STS: variants seen among roughly 807,000 people sequenced by gnomAD.
STS encodes steryl-sulfatase.
A neutral mutation model predicts 26.8 loss-of-function variants in STS; 7 were observed. The ratio of observed to expected loss-of-function variants is 0.26; its 90% CI spans 0.15 to 0.49. STS has a LOEUF of 0.49. Among genes scored for constraint, STS ranks in the 20% least tolerant of loss-of-function variants. The pLI, the probability that STS is intolerant of heterozygous loss-of-function variation, is 0.98. For missense variants in STS, 434 were observed against 465.6 expected (o/e 0.93, Z 0.63); for synonymous variants, 199 against 189.4 (o/e 1.05, Z -0.42).
chrX:7,316,149 A>AT (rs1454249866), intron 8 of STS, among the ~76,000 whole-genome samples: 2 of 111,670 alleles, frequency 1.8e-5, no homozygotes, highest in African/African-American at 3.3e-5. Context: ...AGTAAGATGT[A>AT]TTTTTTAGTT....
At chrX:7,296,772 G>T (rs1471427385) in intron 7 of STS, among the ~76,000 whole-genome samples, 2 of 112,318 alleles carry the variant, frequency 1.8e-5, no homozygotes, top group African/African-American at 6.5e-5. Context: ...GATCCGTGAA[G>T]GCATCCCAGA....
rs371840395 is a variant in STS at position 7,171,895 on chromosome X, T to G, written c.-133-18985T>G. On this transcript the variant is annotated intron_variant, in intron 1 of 10. Coordinates refer to ENST00000674429, the MANE Select transcript of STS (RefSeq NM_001320752.2). Reference sequence around the variant, plus strand: ...ACCATTTCTTTTCTTTAAATAATATTGATGAAAATCATGTTTACAAGTTTT... The same window carrying G: ...ACCATTTCTTTTCTTTAAATAATATGGATGAAAATCATGTTTACAAGTTTT... Among the ~76,000 whole-genome samples, 8 of 112,239 alleles carry G rather than the reference T, an allele frequency of 7.1e-5. 1 individual carries two copies. The East Asian group carries it at 1.4e-3, about 20-fold the overall frequency.
chrX:7,253,076 A>G, intron 2 of STS, 120 bp from the exon 3 acceptor site: 1 of 843,257 alleles, frequency 1.2e-6, no homozygotes, highest in Non-Finnish European at 1.7e-6. Context: ...GCTTAAACCC[A>G]GGACTTCAAG....
At position 7,206,300 on chromosome X, in the gene STS, T is replaced by C. The variant is rs144964153; in HGVS notation, c.-5+15292T>C. Among the ~76,000 whole-genome samples the C allele has an allele frequency of 5.5e-3, 620 of 112,516 alleles. 4 individuals are homozygous for C. The highest frequency in any genetic ancestry group is 0.019 in the African/African-American group (589 of 31,013). On this transcript the variant is annotated intron_variant, in intron 2 of 10. Coordinates refer to ENST00000674429, the MANE Select transcript of STS (RefSeq NM_001320752.2). Reference sequence around the variant, plus strand: ...CATGTCTTTTCTCTCCTGTTATCAATCACCTTGGCTTTTTGTTCCAGTTCT... The same window carrying C: ...CATGTCTTTTCTCTCCTGTTATCAACCACCTTGGCTTTTTGTTCCAGTTCT...
At chrX:7,316,495 G>T (rs1926720262) in intron 8 of STS, among the ~76,000 whole-genome samples, 1 of 112,100 alleles carries the variant, frequency 8.9e-6, no homozygotes, top group Non-Finnish European at 1.9e-5. Flanking sequence ...CACCCAAAGA[G>T]CCTGAAATAT....
chrX:7,226,060 A>T (rs1921789703), intron 2 of STS, among the ~76,000 whole-genome samples: 1 of 112,183 alleles, frequency 8.9e-6, no homozygotes, highest in South Asian at 3.7e-4. Flanking sequence ...TTAAGTTTTG[A>T]TAATTTTATA....
chrX:7,252,729 G>A (rs1266228258), intron 2 of STS, among the ~76,000 whole-genome samples: 1 of 112,083 alleles, frequency 8.9e-6, no homozygotes, highest in Non-Finnish European at 1.9e-5. Flanking sequence ...GTGAGAGCGT[G>A]TTGGGATGGC....
At chrX:7,248,868 C>T (rs1250735169) in intron 2 of STS, among the ~76,000 whole-genome samples, 1 of 110,640 alleles carries the variant, frequency 9.0e-6, no homozygotes, top group Non-Finnish European at 1.9e-5. Flanking sequence ...ATTCCCAATT[C>T]CCCTGGGATT....
At chrX:7,169,581 A>G (rs1436834622) in intron 1 of STS, among the ~76,000 whole-genome samples, 1 of 111,954 alleles carries the variant, frequency 8.9e-6, no homozygotes, top group Non-Finnish European at 1.9e-5. Flanking sequence ...TGGTAATTCA[A>G]CTTTTTAAGG....
chrX:7,247,357 C>T (rs1209109021), intron 2 of STS, among the ~76,000 whole-genome samples: 1 of 111,540 alleles, frequency 9.0e-6, no homozygotes, highest in Non-Finnish European at 1.9e-5. Context: ...AGGTGATTGA[C>T]TATGATTAGT....
At position 7,157,242 on chromosome X, in the gene STS, G is replaced by A. The variant is rs367975646; in HGVS notation, c.-134+9159G>A. On this transcript the variant is annotated intron_variant, in intron 1 of 10. Coordinates refer to ENST00000674429, the MANE Select transcript of STS (RefSeq NM_001320752.2). ...TTCAGGGCCCTAATTATCAAGCCTC[G>A]ATCTTTGCTCATGTGACTGCTGCCT... Among the ~76,000 whole-genome samples the A allele has an allele frequency of 4.4e-4, 49 of 111,709 alleles. 1 individual carries two copies. In the East Asian group the frequency reaches 5.9e-3, roughly 13 times the overall value.
chrX:7,153,810 A>C (rs1432363774), intron 1 of STS, among the ~76,000 whole-genome samples: 77 of 52,615 alleles, frequency 1.5e-3, no homozygotes, highest in Admixed American at 2.1e-3. Context: ...CTCCTCCTCA[A>C]CTCCCTCCCT....
At chrX:7,340,452 C>T (rs914186206) in intron 10 of STS, among the ~76,000 whole-genome samples, 2 of 112,002 alleles carry the variant, frequency 1.8e-5, no homozygotes, top group Non-Finnish European at 3.8e-5. Flanking sequence ...TGGTTATAGA[C>T]GTTTCCGTTT....
chrX:7,350,463 A>C lies in STS; in HGVS notation c.*202A>C. On this transcript the variant is annotated 3_prime_UTR_variant, in exon 11 of 11. Coordinates refer to ENST00000674429, the MANE Select transcript of STS (RefSeq NM_001320752.2). ...GAGGGGGATAAGGTCTGTAGTATAC[A>C]GACAGGAAGATGGTAGGTTTATGCC... 2.0e-6 allele frequency: 1 copy of C among 492,336 alleles called. No homozygotes were observed. The highest frequency in any genetic ancestry group is 2.4e-5 in the African/African-American group (1 of 42,155). The allele number at this position is 492,336 out of a possible 1,213,427, so 40.6% of individuals were successfully genotyped here.
chrX:7,277,168 G>A (rs1924581080), intron 7 of STS, among the ~76,000 whole-genome samples: 1 of 112,067 alleles, frequency 8.9e-6, no homozygotes, highest in African/African-American at 3.2e-5. Flanking sequence ...CTTTTACATT[G>A]CTGGGCTCAT....
intron 1 of STS, among the ~76,000 whole-genome samples, chrX:7,163,471 T>C (rs1317346991): frequency 8.9e-6 from 1 of 112,163 alleles, no homozygotes; most frequent in Admixed American, 9.4e-5. Context: ...ACCTGGGTCA[T>C]TGGGCAAGCA....
chrX:7,207,970 C>G (rs1406415702), intron 2 of STS, among the ~76,000 whole-genome samples: 19 of 112,078 alleles, frequency 1.7e-4, no homozygotes, highest in African/African-American at 5.8e-4. Context: ...GGTTTCCCAG[C>G]CTCCTGGTTT....
chrX:7,295,709 G>GC (rs1261837048), intron 7 of STS, among the ~76,000 whole-genome samples: 2 of 110,958 alleles, frequency 1.8e-5, no homozygotes, highest in Non-Finnish European at 3.8e-5. Flanking sequence ...GACTAACACT[G>GC]CAAGTCCCCA....
intron 8 of STS, among the ~76,000 whole-genome samples, chrX:7,319,063 G>A (rs1926842712): frequency 8.9e-6 from 1 of 111,949 alleles, no homozygotes; most frequent in African/African-American, 3.2e-5. Flanking sequence ...TGGGATATTA[G>A]CAAATTCCTC....
Sources: gnomAD v4.1 joint callset for allele counts (sites outside exome capture counted in the v4.1 genomes callset) on GRCh38, gnomAD v4.1.1 for gene constraint, MANE v1.5 for transcripts, NCBI Gene and HGNC (gene_info 2026-07-23, HGNC 2026-07-21) for gene names.